ASTN1: variants seen among roughly 807,000 people sequenced by gnomAD.
The protein encoded by ASTN1 is astrotactin 1.
A neutral mutation model predicts 140.7 loss-of-function variants in ASTN1; 41 were observed. The ratio of observed to expected loss-of-function variants is 0.29; its 90% confidence interval spans 0.23 to 0.38. ASTN1 has a LOEUF of 0.38. ASTN1 is among the 10% of genes least tolerant of loss of function. The probability of loss-of-function intolerance (pLI) is 1.00; values close to 1 mark genes in which losing one functional copy is unlikely to be tolerated. For missense variants in ASTN1, 1,479 were observed against 1,678.8 expected (o/e 0.88, Z 2.08); for synonymous variants, 640 against 652.2 (o/e 0.98, Z 0.29).
chr1:177,112,088 TG>T (rs1276125340), intron 1 of ASTN1, among the ~76,000 whole-genome samples: 3 of 152,188 alleles, frequency 2.0e-5, no homozygotes, highest in African/African-American at 7.2e-5. Flanking sequence ...GAATGGCAAG[TG>T]ACCCTCCTCT....
intron 1 of ASTN1, among the ~76,000 whole-genome samples, chr1:177,161,912 C>G (rs1647395040): frequency 6.6e-6 from 1 of 152,136 alleles, no homozygotes; most frequent in South Asian, 2.1e-4. Flanking sequence ...AGGTACAGCT[C>G]TTACAGGTAT....
chr1:176,882,800 G>A lies in ASTN1; in HGVS notation c.3362+59C>T, dbSNP rs144072473. 7.2e-5 allele frequency: 116 copies of A among 1,601,560 alleles called. No homozygotes were observed. The African/African-American group carries it at 1.3e-3, about 18-fold the overall frequency. On this transcript the variant is annotated intron_variant, in intron 20 of 22. Coordinates refer to ENST00000361833, the MANE Select transcript of ASTN1 (RefSeq NM_004319.3). ...GGAACTCAAGTAGCAAGAAGAAACC[G>A]GTAAGAAGCCTTGGGACTGTCAGGG...
At chr1:177,115,359 T>C (rs1681031678) in intron 1 of ASTN1, among the ~76,000 whole-genome samples, 1 of 152,106 alleles carries the variant, frequency 6.6e-6, no homozygotes, top group South Asian at 2.1e-4. Context: ...GATATTTAAG[T>C]TGTGGTTTTA....
chr1:176,887,043 T>C (rs1416555806), intron 18 of ASTN1, among the ~76,000 whole-genome samples: 1 of 152,192 alleles, frequency 6.6e-6, no homozygotes, highest in East Asian at 1.9e-4. Context: ...ATGTCCATTC[T>C]CAGACACCTT....
intron 1 of ASTN1, among the ~76,000 whole-genome samples, chr1:177,150,205 T>C (rs1262848411): frequency 3.9e-5 from 6 of 152,050 alleles, no homozygotes; most frequent in Non-Finnish European, 8.8e-5. Flanking sequence ...ACCTTATTAA[T>C]GGTTTGAAAC....
chr1:176,879,100 G>C (rs906040470), intron 20 of ASTN1, among the ~76,000 whole-genome samples: 4 of 152,218 alleles, frequency 2.6e-5, no homozygotes, highest in Non-Finnish European at 4.4e-5. Flanking sequence ...TCTCAGGCCA[G>C]CATGGTCACA....
In ASTN1 at chr1:176,888,207, G is replaced by A. The variant is rs757114526; in HGVS notation, c.2941-3C>T. ...CTCATGGTAGCCTCCTGCAAGAGCT[G>A]CATAAGAGAACAGGGAAAAGATTGA... On this transcript the variant is annotated splice_region_variant and splice_polypyrimidine_tract_variant and intron_variant, in intron 17 of 22. Transcript: ENST00000361833. 1.9e-6 allele frequency: 3 copies of A among 1,613,678 alleles called. No individual in the cohort carries two copies. Among genetic ancestry groups the A allele is most frequent in the African/African-American group, 1.3e-5 (1 of 74,904 alleles).
At position 176,946,139 on chromosome 1, in the gene ASTN1, C is replaced by A; in HGVS notation, c.2055-19G>T. 6.5e-7 allele frequency: 1 copy of A among 1,539,300 alleles called. No individual in the cohort carries two copies. The highest frequency in any genetic ancestry group is 8.8e-7 in the Non-Finnish European group (1 of 1,132,138). ...GATGCACCTAGCACAGAGGAGAGCT[C>A]AATATAAGAAGTTATTCCATCAATG... On this transcript the variant is annotated intron_variant, in intron 12 of 22. Transcript: ENST00000361833.
chr1:177,146,529 T>C (rs2102234630), intron 1 of ASTN1, among the ~76,000 whole-genome samples: 1 of 152,324 alleles, frequency 6.6e-6, no homozygotes, highest in South Asian at 2.1e-4. Flanking sequence ...AAATATTAGT[T>C]CATGGAGTTA....
At chr1:177,098,406 A>C (rs1680136298) in intron 1 of ASTN1, among the ~76,000 whole-genome samples, 1 of 152,216 alleles carries the variant, frequency 6.6e-6, no homozygotes, top group Non-Finnish European at 1.5e-5. Flanking sequence ...ATGAGATAAA[A>C]TAATACAGTG....
At position 176,894,792 on chromosome 1, in the gene ASTN1, C is replaced by T. The variant is rs780584828; in HGVS notation, c.2710G>A (p.Asp904Asn). 6.8e-6 allele frequency: 11 copies of T among 1,614,122 alleles called. No individual in the cohort carries two copies. The highest frequency in any genetic ancestry group is 9.3e-6 in the Non-Finnish European group (11 of 1,180,046). ...TCTGGGAATGTCAGCACCTTGGGGT[C>T]TCTTTCCCGCTCCTCAGACTCATCT... is the stretch of plus-strand genomic sequence containing the variant. ...PSDESEERER[D>N]PKVLTFPEYI... Residue 904 changes from aspartate to asparagine, a missense_variant, in exon 17 of 23, where the codon GAC becomes AAC. By Grantham distance (23) the Asp-to-Asn change is conservative (BLOSUM62 1). Coordinates refer to ENST00000361833, the MANE Select transcript of ASTN1 (RefSeq NM_004319.3).
intron 9 of ASTN1, among the ~76,000 whole-genome samples, chr1:176,963,342 T>A (rs1672745934): frequency 6.6e-6 from 1 of 152,196 alleles, no homozygotes; most frequent in Admixed American, 6.5e-5. Flanking sequence ...TTTAGAGTGG[T>A]CGTTGGTAGG....
intron 1 of ASTN1, among the ~76,000 whole-genome samples, chr1:177,109,062 C>T (rs752491129): frequency 4.6e-5 from 7 of 151,882 alleles, no homozygotes; most frequent in South Asian, 2.1e-4. Context: ...TATCTGAGTC[C>T]GAAGAACACT....
chr1:177,040,816 C>T (rs1412501671), intron 2 of ASTN1, among the ~76,000 whole-genome samples: 1 of 152,182 alleles, frequency 6.6e-6, no homozygotes, highest in Non-Finnish European at 1.5e-5. Context: ...TTAGGAGTTT[C>T]GTCTAATGAG....
intron 8 of ASTN1, among the ~76,000 whole-genome samples, chr1:176,994,458 C>T (rs993545331): frequency 2.0e-5 from 3 of 152,122 alleles, no homozygotes; most frequent in Non-Finnish European, 4.4e-5. Context: ...ATTCTCCTGC[C>T]TCAACCTCCC....
chr1:176,876,923 C>G (rs779950851), intron 20 of ASTN1, among the ~76,000 whole-genome samples: 2 of 152,160 alleles, frequency 1.3e-5, no homozygotes, highest in African/African-American at 2.4e-5. Context: ...GGCCCCCAGA[C>G]CAGCAGGACC....
At chr1:177,122,844 T>C (rs1681468637) in intron 1 of ASTN1, among the ~76,000 whole-genome samples, 1 of 152,126 alleles carries the variant, frequency 6.6e-6, no homozygotes. Context: ...TTGCAATAAA[T>C]TATGGAAAGG....
rs1174723009 is a variant in ASTN1 at position 176,957,634 on chromosome 1, C to T, written c.1887+44G>A. 19 of 1,605,308 alleles carry T rather than the reference C, an allele frequency of 1.2e-5. No individual in the cohort carries two copies. The African/African-American group carries it at 2.1e-4, about 18-fold the overall frequency. On this transcript the variant is annotated intron_variant, in intron 11 of 22. Coordinates refer to ENST00000361833, the MANE Select transcript of ASTN1 (RefSeq NM_004319.3). Reference sequence around the variant, plus strand: ...TTGTGTCTTCCCCCGTGCCTTTCCTCCCCATCCTCAAACAGAAACTACTAG... The same window carrying T: ...TTGTGTCTTCCCCCGTGCCTTTCCTTCCCATCCTCAAACAGAAACTACTAG...
chr1:176,912,646 T>G (rs977695652), intron 16 of ASTN1, among the ~76,000 whole-genome samples: 2 of 152,166 alleles, frequency 1.3e-5, no homozygotes, highest in African/African-American at 4.8e-5. Flanking sequence ...TTAGAGAACT[T>G]AGGTCATACA....
Sources: allele counts gnomAD v4.1 joint callset (sites outside exome capture counted in the v4.1 genomes callset), GRCh38; gene constraint gnomAD v4.1.1; transcripts MANE v1.5; gene names NCBI Gene and HGNC (gene_info 2026-07-23, HGNC 2026-07-21).